USP7: variants seen among roughly 807,000 people sequenced by gnomAD.
The protein encoded by USP7 is ubiquitin specific peptidase 7.
A neutral mutation model predicts 162.9 loss-of-function variants in USP7; 9 were observed. That is an observed-to-expected ratio of 0.06 (90% CI 0.03 to 0.10). The LOEUF (loss-of-function observed/expected upper bound fraction) is 0.10. Ranked by LOEUF, USP7 falls within the 10% of genes least tolerant of loss-of-function variation. The pLI is 1.00. For synonymous variants in USP7, 562 were observed against 475.9 expected (o/e 1.18, Z -2.35); for missense variants, 715 against 1,373.7 (o/e 0.52, Z 7.58).
intron 1 of USP7, chr16:8,935,528 C>T (rs948282048): frequency 2.0e-5 from 3 of 152,142 alleles, no homozygotes; most frequent in African/African-American, 7.2e-5. Flanking sequence ...CTATTTTTGA[C>T]ACAAAATTAT....
chr16:8,935,120 T>C (rs1898618972), intron 1 of USP7, among the ~76,000 whole-genome samples: 1 of 152,132 alleles, frequency 6.6e-6, no homozygotes, highest in South Asian at 2.1e-4. Flanking sequence ...AGTGATGTAA[T>C]ACCAAGTTTT....
In USP7 at chr16:8,893,829, G is replaced by A. The variant is rs968733611; in HGVS notation, c.*169C>T. 2 of 612,750 alleles carry A rather than the reference G, an allele frequency of 3.3e-6. No homozygotes were observed. Among genetic ancestry groups the A allele is most frequent in the African/African-American group, 3.7e-5 (2 of 54,242 alleles). 38.0% of individuals were successfully genotyped at this position (612,750 alleles called of 1,614,324 possible). A position where few individuals can be genotyped will look rare whatever the true frequency, so the allele number is the denominator to read the frequency against. ...ATCTTCATTTTGCTCAAAAAGGGCAGTCAATAGATACAGAGAAGCCAAACT... is the reference window on the plus strand; with the variant it reads ...ATCTTCATTTTGCTCAAAAAGGGCAATCAATAGATACAGAGAAGCCAAACT... On this transcript the variant is annotated 3_prime_UTR_variant, in exon 31 of 31. Coordinates refer to ENST00000344836, the MANE Select transcript of USP7 (RefSeq NM_003470.3).
intron 28 of USP7, 26 bp downstream of exon 28, chr16:8,895,005 C>T (rs2061659856): frequency 1.2e-6 from 2 of 1,614,148 alleles, no homozygotes; most frequent in Non-Finnish European, 1.7e-6. Flanking sequence ...TTGACGTGAG[C>T]CACTCGGCCA....
chr16:8,915,684 T>C (rs1426878207), intron 8 of USP7, among the ~76,000 whole-genome samples, 159 bp from the exon 9 acceptor site: 5 of 152,254 alleles, frequency 3.3e-5, no homozygotes, highest in African/African-American at 1.2e-4. Flanking sequence ...AAATCTTCTT[T>C]CTTGGTTGGA....
chr16:8,923,926 C>T (rs1008381242), intron 2 of USP7, among the ~76,000 whole-genome samples: 3 of 152,190 alleles, frequency 2.0e-5, no homozygotes, highest in African/African-American at 7.2e-5. Context: ...AGGGCTACAA[C>T]AGTAGCCTGA....
rs146496592 is a variant in USP7, at chr16:8,941,651, T to C, written c.80-11254A>G. On this transcript the variant is annotated intron_variant, in intron 1 of 30. Coordinates refer to ENST00000344836, the MANE Select transcript of USP7 (RefSeq NM_003470.3). ...TCTAGTACCTTGTAGCCTTGCTTGG[T>C]ACCAGGAAAGACAAAGACCAGGCCG... Among the ~76,000 whole-genome samples, 26 of 152,318 alleles carry C rather than the reference T, an allele frequency of 1.7e-4. No homozygotes were observed. The East Asian group carries it at 4.6e-3, about 27-fold the overall frequency.
At chr16:8,902,279 A>T (rs1010994981) in intron 17 of USP7, 92 bp from the exon 18 acceptor site, 1 of 1,574,630 alleles carries the variant, frequency 6.4e-7, no homozygotes, top group African/African-American at 1.4e-5. Flanking sequence ...AAAACGTCCA[A>T]TTCTAGTTAA....
chr16:8,903,397 G>T lies in USP7; in HGVS notation c.1710C>A (p.Val570=). 2 of 1,613,528 alleles carry T rather than the reference G, an allele frequency of 1.2e-6. No individual in the cohort carries two copies. Among genetic ancestry groups the T allele is most frequent in the Non-Finnish European group, 1.7e-6 (2 of 1,179,654 alleles). Residue 570 remains valine, a synonymous_variant, in exon 16 of 31, where the codon GTC becomes GTA. Transcript: ENST00000344836. ...GGTGGCCACAAAACTGGTCCTCTGC[G>T]ACTATCTGAAAATATGTATGAAAGC... ...EAHLYMQVQI[V]AEDQFCGHQG...
Position 8,923,406 on chromosome 16 carries a change from A to G in USP7, c.192T>C (p.Ser64=), listed in dbSNP as rs755258092. 2.5e-6 allele frequency: 4 copies of G among 1,614,124 alleles called. No homozygotes were observed. The highest frequency in any genetic ancestry group is 3.4e-6 in the Non-Finnish European group (4 of 1,179,976). Residue 64 remains serine, a synonymous_variant, in exon 3 of 31, where the codon AGT becomes AGC. Transcript: ENST00000344836. ...TAEEDMEDDT[S]WRSEATFQFT... is the part of the protein sequence containing the mutation. ...ACTGAAAGGTTGCCTCGGAGCGCCA[A>G]CTGGTGTCTGCAAAAAAAACACATC...
intron 26 of USP7, among the ~76,000 whole-genome samples, chr16:8,896,086 G>A (rs1486615536): frequency 2.7e-5 from 4 of 150,244 alleles, no homozygotes; most frequent in Non-Finnish European, 4.4e-5. Context: ...TGATCCGCCC[G>A]CCTCGGCCTC....
chr16:8,955,599 G>C (rs540409637), intron 1 of USP7, among the ~76,000 whole-genome samples: 2 of 151,714 alleles, frequency 1.3e-5, no homozygotes, highest in East Asian at 2.0e-4. Context: ...CTGGCTACTT[G>C]GGAGGCTGAG....
intron 1 of USP7, among the ~76,000 whole-genome samples, chr16:8,962,094 C>T (rs1396746041): frequency 6.6e-6 from 1 of 152,170 alleles, no homozygotes; most frequent in African/African-American, 2.4e-5. Flanking sequence ...GTGTGCAGCG[C>T]CCCACACTTG....
In USP7 at chr16:8,963,891, G is replaced by A. The variant is rs1900122364; in HGVS notation, c.-606C>T. ...CGGCTCGGCTCGCTCTCAAAATGGC[G>A]GCGGCGTGAAATGTCACATCCGCAT... is the stretch of plus-strand genomic sequence containing the variant. On this transcript the variant is annotated 5_prime_UTR_variant, in exon 1 of 31. Transcript: ENST00000344836. Among the ~76,000 whole-genome samples the A allele has an allele frequency of 6.8e-6, 1 of 146,890 alleles. No individual in the cohort carries two copies. Among genetic ancestry groups the A allele is most frequent in the Admixed American group, 6.8e-5 (1 of 14,798 alleles).
rs754592472 is a variant in USP7, at chr16:8,910,841, GAGAGA to G, written c.1079-19_1079-15del. 8.7e-6 allele frequency: 14 copies of G among 1,609,164 alleles called. No homozygotes were observed. In the African/African-American group the frequency reaches 1.5e-4, roughly 17 times the overall value. ...ATGATTCAAATACTTTAAAGAGAGA[GAGAGA>G]AAAGTCAAGTGCTAAAGCTTCATTT... is the stretch of plus-strand genomic sequence containing the variant. On this transcript the variant is annotated splice_polypyrimidine_tract_variant and intron_variant, in intron 10 of 30. Transcript: ENST00000344836.
chr16:8,963,060 A>G (rs369161750), intron 1 of USP7, 147 bp downstream of exon 1: 670,364 of 672,794 alleles, frequency 1, 334,017 homozygotes, highest in East Asian at 1. Context: ...GCAGCCTCGC[A>G]GGCCGGGGCC....
At chr16:8,950,892 T>C (rs1384084937) in intron 1 of USP7, among the ~76,000 whole-genome samples, 3 of 152,186 alleles carry the variant, frequency 2.0e-5, no homozygotes, top group Non-Finnish European at 4.4e-5. Flanking sequence ...GGGCCAGAAC[T>C]TGGGCCTCCT....
intron 1 of USP7, among the ~76,000 whole-genome samples, chr16:8,961,510 G>GC (rs1900011610): frequency 7.6e-6 from 1 of 132,322 alleles, no homozygotes; most frequent in Non-Finnish European, 1.6e-5. Flanking sequence ...AAAAAGGGGG[G>GC]GGGGGGCAAA....
At chr16:8,962,095 CCCA>C (rs2141271638) in intron 1 of USP7, among the ~76,000 whole-genome samples, 1 of 152,226 alleles carries the variant, frequency 6.6e-6, no homozygotes, top group African/African-American at 2.4e-5. Flanking sequence ...TGTGCAGCGC[CCCA>C]CACTTGGAGC....
intron 10 of USP7, among the ~76,000 whole-genome samples, chr16:8,911,843 C>T (rs2061951412): frequency 6.6e-6 from 1 of 152,166 alleles, no homozygotes; most frequent in Admixed American, 6.5e-5. Context: ...AGGAAAAGAA[C>T]CAGCAAGAGG....
Sources: allele counts gnomAD v4.1 joint callset (sites outside exome capture counted in the v4.1 genomes callset), GRCh38; gene constraint gnomAD v4.1.1; transcripts MANE v1.5; gene names NCBI Gene and HGNC (gene_info 2026-07-23, HGNC 2026-07-21).